The following MED4 variants were observed in gnomAD, a reference collection of about 807,000 sequenced individuals.
The protein encoded by MED4 is mediator complex subunit 4, also known as mediator of RNA polymerase II transcription subunit 4.
Under a neutral mutation model 35.0 loss-of-function variants are expected in MED4, and 21 were observed. That is an observed-to-expected ratio of 0.60 (90% CI 0.43 to 0.86). The LOEUF is 0.86. Among genes scored for constraint, MED4 ranks in the 40% least tolerant of loss-of-function variants. The pLI is 0.00. For synonymous variants in MED4, 138 were observed against 114.0 expected, an observed-to-expected ratio of 1.21 and a Z score of -1.34; for missense variants, 300 against 319.4, an observed-to-expected ratio of 0.94 and a Z score of 0.46.
chr13:48,077,219 G>C lies in MED4; in HGVS notation c.733C>G (p.Pro245Ala). Residue 245 changes from proline (P) to alanine (A), a missense_variant, in exon 7 of 7, where the codon CCT (proline) becomes GCT (alanine). Pro to Ala is a conservative substitution (Grantham distance 27, BLOSUM62 -1). Coordinates refer to ENST00000258648, the MANE Select transcript of MED4 (RefSeq NM_014166.4). ...TCTTCATTTTCTTTATTATGCCCAG[G>C]AGGTTCCAACAAAAAGTCACTACTA... ...NHSSDFLLEP[P>A]GHNKENEDDV... 1 of 1,603,118 alleles carries C rather than the reference G, an allele frequency of 6.2e-7. No individual in the cohort carries two copies. Among genetic ancestry groups the C allele is most frequent in the Non-Finnish European group, 8.5e-7 (1 of 1,176,574 alleles).
intron 5 of MED4, among the ~76,000 whole-genome samples, chr13:48,080,688 A>G (rs1178490274): frequency 3.3e-5 from 5 of 152,144 alleles, no homozygotes; most frequent in Admixed American, 2.0e-4. Context: ...CATGACACTT[A>G]TAAGACAGAA....
intron 3 of MED4, among the ~76,000 whole-genome samples, chr13:48,085,946 CAAA>C (rs149104670): frequency 1.6e-5 from 2 of 121,310 alleles, no homozygotes; most frequent in Non-Finnish European, 1.8e-5. Flanking sequence ...GATCAGAGAC[CAAA>C]AAAAAAAAAA....
At chr13:48,078,826 C>G (rs1222128622) in intron 6 of MED4, among the ~76,000 whole-genome samples, 1 of 151,924 alleles carries the variant, frequency 6.6e-6, no homozygotes, top group Non-Finnish European at 1.5e-5. Flanking sequence ...CTTTAGGTAG[C>G]TAACAAAAAT....
chr13:48,086,332 T>C lies in MED4; in HGVS notation c.313A>G (p.Ser105Gly), dbSNP rs17856135. 1 of 1,613,950 alleles carries C rather than the reference T, an allele frequency of 6.2e-7. No homozygotes were observed. Among genetic ancestry groups the C allele is most frequent in the Non-Finnish European group, 8.5e-7 (1 of 1,179,940 alleles). Residue 105 changes from serine to glycine, a missense_variant, in exon 3 of 7, where the codon AGT becomes GGT. Physicochemically the swap from Ser to Gly is moderately conservative, Grantham distance 56. Transcript: ENST00000258648. ...TGTTTTTGTAGCTGCTGAATATCAC[T>C]GTCTCTCTTCTCTACTTCTTTTTCT... ...VLEKEVEKRD[S>G]DIQQLQKQLK...
chr13:48,088,984 G>A (rs1447261616), intron 2 of MED4, among the ~76,000 whole-genome samples: 3 of 152,102 alleles, frequency 2.0e-5, no homozygotes, highest in Non-Finnish European at 4.4e-5. Context: ...CTGATTATAG[G>A]TCTTAATTAT....
At chr13:48,094,915 G>A (rs754869380) in intron 1 of MED4, 39 bp downstream of exon 1, 69 of 1,593,570 alleles carry the variant, frequency 4.3e-5, no homozygotes, top group Non-Finnish European at 5.7e-5. Context: ...TCAGTCCCCC[G>A]GCCCAGCTCC....
intron 1 of MED4, among the ~76,000 whole-genome samples, chr13:48,091,988 T>C (rs1272779446): frequency 6.6e-6 from 1 of 152,130 alleles, no homozygotes; most frequent in African/African-American, 2.4e-5. Flanking sequence ...TGAGGAGGTG[T>C]AGCCAGGGCC....
At chr13:48,094,824 C>T in intron 1 of MED4, 130 bp downstream of exon 1, 2 of 1,354,570 alleles carry the variant, frequency 1.5e-6, no homozygotes, top group Non-Finnish European at 2.0e-6. Flanking sequence ...CCATGACCCT[C>T]ATGCACCCGA....
intron 2 of MED4, among the ~76,000 whole-genome samples, chr13:48,089,638 G>T (rs73481223): frequency 0.035 from 5,374 of 152,190 alleles, 214 homozygotes; most frequent in East Asian, 0.097. Flanking sequence ...TATAGTCCCA[G>T]ATACTGGTGA....
intron 3 of MED4, among the ~76,000 whole-genome samples, chr13:48,084,983 C>T (rs1950838889): frequency 6.6e-6 from 1 of 152,164 alleles, no homozygotes; most frequent in South Asian, 2.1e-4. Flanking sequence ...TCTCCTGCCT[C>T]AGCCTCCCAA....
chr13:48,093,545 T>G (rs1950904209), intron 1 of MED4: 5 of 465,910 alleles, frequency 1.1e-5, no homozygotes, highest in South Asian at 7.8e-5. Flanking sequence ...TACACATAAC[T>G]ACCTCTGAGT....
Position 48,083,390 on chromosome 13 carries a change from T to C in MED4, c.402A>G (p.Ser134=), listed in dbSNP as rs61752712. ...AVYQAKEKLK[S]IEKARKGAIS... ...ACTAACCTTTTCTTGCTTTTTCTAT[T>C]GACTTGAGTTTCTCCTTCGCTTGGT... Residue 134 remains serine (S), a synonymous_variant, in exon 4 of 7, where the codon TCA becomes TCG. Transcript: ENST00000258648. 6.2e-6 allele frequency: 10 copies of C among 1,613,062 alleles called. No homozygotes were observed. Among genetic ancestry groups the C allele is most frequent in the Admixed American group, 5.0e-5 (3 of 59,844 alleles).
At chr13:48,092,901 T>C (rs1211620200) in intron 1 of MED4, among the ~76,000 whole-genome samples, 2 of 152,106 alleles carry the variant, frequency 1.3e-5, no homozygotes, top group Non-Finnish European at 2.9e-5. Flanking sequence ...CACAGAAGGC[T>C]TTACAAGGCT....
At chr13:48,084,095 T>C (rs574107704) in intron 3 of MED4, among the ~76,000 whole-genome samples, 1 of 152,188 alleles carries the variant, frequency 6.6e-6, no homozygotes, top group African/African-American at 2.4e-5. Context: ...AACCCATCTC[T>C]ACTAAAAATA....
chr13:48,081,260 G>T (rs766158411), intron 5 of MED4, among the ~76,000 whole-genome samples: 2 of 152,208 alleles, frequency 1.3e-5, no homozygotes, highest in Non-Finnish European at 2.9e-5. Flanking sequence ...GCATCTAAGA[G>T]AACTGGAATT....
Position 48,081,646 on chromosome 13 carries a change from T to A in MED4, c.507A>T (p.Pro169=). Residue 169 remains proline (P), a splice_region_variant and synonymous_variant, in exon 5 of 7, where the codon CCA becomes CCT. Transcript: ENST00000258648. Reference sequence around the variant, plus strand: ...GTATAATAAGACGAGTATGTTTACCTGGAACCCAGGTCAGTGGAGCACATA... The same window carrying A: ...GTATAATAAGACGAGTATGTTTACCAGGAACCCAGGTCAGTGGAGCACATA... ...NAVCAPLTWV[P]GDPRRPYPTD... 3 of 1,607,290 alleles carry A rather than the reference T, an allele frequency of 1.9e-6. No homozygotes were observed. Among genetic ancestry groups the A allele is most frequent in the Non-Finnish European group, 2.5e-6 (3 of 1,176,766 alleles).
At position 48,094,978 on chromosome 13, in the gene MED4, A is replaced by T. The variant is rs746479110; in HGVS notation, c.101T>A (p.Leu34His). ...NSTRERLLSALEDLEVLSREL... is the reference protein window; with the variant it reads ...NSTRERLLSAHEDLEVLSREL... The stretch of plus-strand genomic sequence containing the variant: ...CCTAGACAGGACCTCCAAGTCCTCA[A>T]GCGCAGACAGCAGCCGCTCTCGTGT... The change falls in exon 1 of 7, where the codon CTT (leucine) becomes CAT (histidine). Residue 34 changes from leucine to histidine, a missense_variant. Leu to His is a moderately conservative substitution (Grantham distance 99). Coordinates refer to ENST00000258648, the MANE Select transcript of MED4 (RefSeq NM_014166.4). 6.9e-6 allele frequency: 11 copies of T among 1,603,926 alleles called. No homozygotes were observed. The South Asian group carries it at 1.2e-4, about 18-fold the overall frequency.
At chr13:48,091,528 A>G (rs932455850) in intron 1 of MED4, among the ~76,000 whole-genome samples, 2 of 152,208 alleles carry the variant, frequency 1.3e-5, no homozygotes, top group Admixed American at 6.5e-5. Flanking sequence ...GATCATGTCA[A>G]TTAGACCCAA....
chr13:48,077,531 C>T (rs1950770100), intron 6 of MED4: 1 of 330,036 alleles, frequency 3.0e-6, no homozygotes, highest in East Asian at 5.3e-5. Flanking sequence ...CCTGCCTCAG[C>T]CTCCTGAGTA....
Sources: gnomAD v4.1 joint callset for allele counts (sites outside exome capture counted in the v4.1 genomes callset) on GRCh38, gnomAD v4.1.1 for gene constraint, MANE v1.5 for transcripts, NCBI Gene and HGNC (gene_info 2026-07-23, HGNC 2026-07-21) for gene names.